The following KLF3 variants were observed in gnomAD, a reference collection of about 807,000 sequenced individuals.
The protein encoded by KLF3 is KLF transcription factor 3, also known as Krueppel-like factor 3.
In KLF3, 6 loss-of-function variants were observed where a neutral mutation model predicts 32.7. That is an observed-to-expected ratio of 0.18 (90% CI 0.10 to 0.36). KLF3 has a LOEUF of 0.36. Among genes scored for constraint, KLF3 ranks in the 10% least tolerant of loss-of-function variants. KLF3 has a pLI of 1.00. For missense variants in KLF3, 338 were observed against 449.7 expected (o/e 0.75, Z 2.25); for synonymous variants, 145 against 172.8 (o/e 0.84, Z 1.26).
At chr4:38,687,425 C>G (rs917883260) in intron 2 of KLF3, among the ~76,000 whole-genome samples, 1 of 152,146 alleles carries the variant, frequency 6.6e-6, no homozygotes, top group Admixed American at 6.5e-5. Context: ...AAGGATAGTG[C>G]CCATTGTGTG....
At chr4:38,684,406 G>C (rs1421689749) in intron 2 of KLF3, among the ~76,000 whole-genome samples, 1 of 152,168 alleles carries the variant, frequency 6.6e-6, no homozygotes, top group African/African-American at 2.4e-5. Context: ...ACCTCACAGT[G>C]CAGTGAGAAG....
chr4:38,667,518 C>T (rs1248413702), intron 1 of KLF3, among the ~76,000 whole-genome samples: 1 of 152,188 alleles, frequency 6.6e-6, no homozygotes, highest in Non-Finnish European at 1.5e-5. Flanking sequence ...CTGCATTTGT[C>T]TGGGTGAATA....
At position 38,697,483 on chromosome 4, in the gene KLF3, C is replaced by CTTT; in HGVS notation, c.*232_*234dup. The CTTT allele has an allele frequency of 1.3e-4, 44 of 346,088 alleles. No individual in the cohort carries two copies. The highest frequency in any genetic ancestry group is 1.7e-4 in the East Asian group (4 of 22,936). The allele number at this position is 346,088 out of a possible 1,614,324, so 21.4% of individuals were successfully genotyped here. ...GGGTCAGACCTAAAGAATGTGAACACTTTTTTTTTTTTTTCTGGGGATGCT... is the reference window on the plus strand; with the variant it reads ...GGGTCAGACCTAAAGAATGTGAACACTTTTTTTTTTTTTTTTTCTGGGGATGCT... On this transcript the variant is annotated 3_prime_UTR_variant, in exon 6 of 6. Coordinates refer to ENST00000261438, the MANE Select transcript of KLF3 (RefSeq NM_016531.6).
chr4:38,689,960 G>T (rs1412200733), intron 4 of KLF3, 81 bp downstream of exon 4: 2 of 1,384,124 alleles, frequency 1.4e-6, no homozygotes, highest in Non-Finnish European at 2.0e-6. Context: ...GATTTCACAC[G>T]TGTGATGTGG....
At chr4:38,694,662 C>G in intron 4 of KLF3, 84 bp from the exon 5 acceptor site, 1 of 1,181,544 alleles carries the variant, frequency 8.5e-7, no homozygotes, top group African/African-American at 1.6e-5. Flanking sequence ...TTGTTTTTGC[C>G]CAGTGTTGTT....
rs145575013 is a variant in KLF3 at position 38,683,808 on chromosome 4, A to G, written c.57+3126A>G. Among the ~76,000 whole-genome samples, 558 of 152,338 alleles carry G rather than the reference A, an allele frequency of 3.7e-3. 6 individuals are homozygous for G. The highest frequency in any genetic ancestry group is 0.013 in the African/African-American group (536 of 41,574). On this transcript the variant is annotated intron_variant, in intron 2 of 5. Coordinates refer to ENST00000261438, the MANE Select transcript of KLF3 (RefSeq NM_016531.6). ...GGATTAATAATATTCTGTTATCTTC[A>G]GTCATCTAACAGACTCCTTATAGAT...
At chr4:38,695,761 G>A (rs533547585) in intron 5 of KLF3, among the ~76,000 whole-genome samples, 1 of 152,214 alleles carries the variant, frequency 6.6e-6, no homozygotes, top group South Asian at 2.1e-4. Context: ...TAGTAGTGGT[G>A]ATGTATGTAC....
chr4:38,670,693 C>G (rs528794416), intron 1 of KLF3, among the ~76,000 whole-genome samples: 1 of 152,322 alleles, frequency 6.6e-6, no homozygotes, highest in South Asian at 2.1e-4. Context: ...AAAGTTTTCA[C>G]ATTTACTTTG....
chr4:38,680,192 A>G (rs973106222), intron 1 of KLF3, among the ~76,000 whole-genome samples: 2 of 151,894 alleles, frequency 1.3e-5, no homozygotes, highest in African/African-American at 2.4e-5. Flanking sequence ...GTGAGGTATT[A>G]TATTTCATTT....
intron 1 of KLF3, among the ~76,000 whole-genome samples, chr4:38,672,475 G>A (rs111842641): frequency 1.3e-4 from 20 of 152,334 alleles, no homozygotes; most frequent in African/African-American, 4.1e-4. Context: ...AGAGTGGGGA[G>A]GGCCTTGAGC....
At chr4:38,690,006 G>T in intron 4 of KLF3, 127 bp downstream of exon 4, 1 of 871,018 alleles carries the variant, frequency 1.1e-6, no homozygotes, top group East Asian at 2.6e-5. Context: ...ATCTGTGGCC[G>T]CCACTGGTCC....
At chr4:38,684,530 T>A (rs1408870821) in intron 2 of KLF3, among the ~76,000 whole-genome samples, 3 of 131,640 alleles carry the variant, frequency 2.3e-5, no homozygotes, top group Non-Finnish European at 3.1e-5. Flanking sequence ...TTTTTTGTTT[T>A]GGTTTTTTGT....
At chr4:38,676,095 C>T (rs896916378) in intron 1 of KLF3, among the ~76,000 whole-genome samples, 6 of 152,158 alleles carry the variant, frequency 3.9e-5, no homozygotes, top group African/African-American at 1.4e-4. Context: ...AATTTAGTTC[C>T]TTCCTAGCTT....
intron 2 of KLF3, among the ~76,000 whole-genome samples, chr4:38,684,458 C>T (rs2109248300): frequency 6.6e-6 from 1 of 151,154 alleles, no homozygotes; most frequent in East Asian, 1.9e-4. Flanking sequence ...GGGGTGTGAA[C>T]ATCTGAGTAC....
At chr4:38,675,846 C>T (rs1722330776) in intron 1 of KLF3, among the ~76,000 whole-genome samples, 1 of 152,230 alleles carries the variant, frequency 6.6e-6, no homozygotes, top group East Asian at 1.9e-4. Flanking sequence ...GTACCAAAGA[C>T]TGCCAAGTTT....
chr4:38,682,185 A>G (rs1355856965), intron 2 of KLF3, among the ~76,000 whole-genome samples: 1 of 152,180 alleles, frequency 6.6e-6, no homozygotes, highest in Non-Finnish European at 1.5e-5. Context: ...CAGCCACCAT[A>G]GTAGCTGGGA....
intron 3 of KLF3, 37 bp from the exon 4 acceptor site, chr4:38,689,692 C>T (rs760730739): frequency 2.3e-5 from 34 of 1,474,182 alleles, no homozygotes; most frequent in Non-Finnish European, 3.0e-5. Flanking sequence ...AATTGGTAAA[C>T]TGTACGTGAA....
rs1315504640 is a variant in KLF3, at chr4:38,688,305, C to G, written c.58-280C>G. ...GCCAGGTATCGGCCTTAATGTTTGA[C>G]ACAGGAATCATCTTAGGATTAAATT... On this transcript the variant is annotated intron_variant, in intron 2 of 5. Transcript: ENST00000261438. The surrounding 1 kb of genome is among the most constrained non-coding windows in gnomAD (Gnocchi z 4.9). 2.6e-5 allele frequency among the ~76,000 whole-genome samples: 4 copies of G among 152,166 alleles called. No individual in the cohort carries two copies. Among genetic ancestry groups the G allele is most frequent in the Non-Finnish European group, 2.9e-5 (2 of 68,036 alleles).
At chr4:38,696,047 C>G (rs971830246) in intron 5 of KLF3, among the ~76,000 whole-genome samples, 4 of 152,018 alleles carry the variant, frequency 2.6e-5, no homozygotes, top group African/African-American at 9.7e-5. Context: ...GTATCTAGAG[C>G]AACGCCCAAA....
Sources: gnomAD v4.1 joint callset for allele counts (sites outside exome capture counted in the v4.1 genomes callset) on GRCh38, gnomAD v4.1.1 for gene constraint, Gnocchi (gnomAD v3.1) non-coding constraint, MANE v1.5 for transcripts, NCBI Gene and HGNC (gene_info 2026-07-23, HGNC 2026-07-21) for gene names.